Variants in PLCB4 observed in about 807,000 individuals in gnomAD.
PLCB4 encodes 1-phosphatidylinositol 4,5-bisphosphate phosphodiesterase beta-4.
Under a neutral mutation model 178.8 loss-of-function variants are expected in PLCB4, and 77 were observed. The observed-to-expected ratio is 0.43, with a 90% confidence interval of 0.36 to 0.52. The LOEUF is 0.52. PLCB4 is among the 20% of genes least tolerant of loss of function. The pLI is 0.00. For synonymous variants in PLCB4, 496 were observed against 490.8 expected, an observed-to-expected ratio of 1.01 and a Z score of -0.14; for missense variants, 1,024 against 1,453.4, an observed-to-expected ratio of 0.70 and a Z score of 4.80.
intron 7 of PLCB4, among the ~76,000 whole-genome samples, chr20:9,356,466 AT>A (rs1395903258): frequency 5.9e-5 from 9 of 152,306 alleles, no homozygotes; most frequent in Non-Finnish European, 1.0e-4. Flanking sequence ...CTAGCTTAAG[AT>A]GAAGGTGTAG....
intron 28 of PLCB4, among the ~76,000 whole-genome samples, chr20:9,429,015 G>A (rs1480057512): frequency 6.6e-6 from 1 of 152,150 alleles, no homozygotes; most frequent in African/African-American, 2.4e-5. Context: ...GGGCCTACAT[G>A]GAGAGTCTTT....
chr20:9,421,570 T>G, intron 27 of PLCB4, 109 bp downstream of exon 27: 1 of 828,530 alleles, frequency 1.2e-6, no homozygotes, highest in Non-Finnish European at 1.9e-6. Context: ...AACATCTTCT[T>G]TTTCTCTTCT....
chr20:9,111,733 T>A (rs976772628), intron 2 of PLCB4, among the ~76,000 whole-genome samples: 1 of 152,218 alleles, frequency 6.6e-6, no homozygotes, highest in Non-Finnish European at 1.5e-5. Context: ...GATGGGCAGT[T>A]CATTTAAGAA....
Position 9,472,851 on chromosome 20 carries a change from A to C in PLCB4, c.3408+4A>C. Reference sequence around the variant, plus strand: ...GTTTCTGGAAGAAAGAAAGAGAGTAAGTATTTTATTATATTTTTGGCATTC... The same window carrying C: ...GTTTCTGGAAGAAAGAAAGAGAGTACGTATTTTATTATATTTTTGGCATTC... On this transcript the variant is annotated splice_donor_region_variant and intron_variant, in intron 37 of 39. Coordinates refer to ENST00000378473, the MANE Select transcript of PLCB4 (RefSeq NM_001377142.1). 6.5e-7 allele frequency: 1 copy of C among 1,543,898 alleles called. No individual in the cohort carries two copies. The highest frequency in any genetic ancestry group is 8.9e-7 in the Non-Finnish European group (1 of 1,122,592).
chr20:9,437,359 A>G (rs1382043791), intron 30 of PLCB4, among the ~76,000 whole-genome samples: 2 of 152,238 alleles, frequency 1.3e-5, no homozygotes, highest in African/African-American at 2.4e-5. Flanking sequence ...ATGAACCAAC[A>G]TAGTTATTCC....
intron 11 of PLCB4, among the ~76,000 whole-genome samples, 188 bp downstream of exon 11, chr20:9,372,591 G>C (rs182252766): frequency 6.6e-6 from 1 of 151,970 alleles, no homozygotes; most frequent in Non-Finnish European, 1.5e-5. Flanking sequence ...AAACTTTTAC[G>C]TATATTAATT....
At chr20:9,390,433 G>T (rs2038045508) in intron 16 of PLCB4, 98 bp from the exon 17 acceptor site, 13 of 594,700 alleles carry the variant, frequency 2.2e-5, no homozygotes, top group Non-Finnish European at 3.4e-5. Flanking sequence ...AATGCATTTT[G>T]CCAAGTGAGA....
intron 1 of PLCB4, among the ~76,000 whole-genome samples, chr20:9,089,765 G>T (rs1363243608): frequency 6.6e-6 from 1 of 152,156 alleles, no homozygotes; most frequent in Non-Finnish European, 1.5e-5. Flanking sequence ...AAGATGTGGA[G>T]AAAGAAATAA....
chr20:9,161,143 C>A (rs112649299), intron 2 of PLCB4, among the ~76,000 whole-genome samples: 175 of 152,224 alleles, frequency 1.1e-3, no homozygotes, highest in African/African-American at 3.9e-3. Context: ...TTTTACAAAT[C>A]AGGAAACAAG....
rs1458369911 is a variant in PLCB4 at position 9,423,859 on chromosome 20, A to G, written c.2431A>G (p.Ile811Val). Reference sequence around the variant, plus strand: ...TGGCCTCCAAGCCGGATATCGACACATTTCCCTTCGAAATGAGGGAAATAA... The same window carrying G: ...TGGCCTCCAAGCCGGATATCGACACGTTTCCCTTCGAAATGAGGGAAATAA... The part of the protein sequence containing the change: ...LDGLQAGYRH[I>V]SLRNEGNKPL... Residue 811 changes from isoleucine to valine, a missense_variant, in exon 28 of 40, where the codon ATT becomes GTT. Transcript: ENST00000378473. 1 of 1,613,924 alleles carries G rather than the reference A, an allele frequency of 6.2e-7. No individual in the cohort carries two copies. The highest frequency in any genetic ancestry group is 8.5e-7 in the Non-Finnish European group (1 of 1,179,824).
At position 9,361,646 on chromosome 20, in the gene PLCB4, T is replaced by G. The variant is rs1602105507; in HGVS notation, c.370-1250T>G. On this transcript the variant is annotated intron_variant, in intron 7 of 39. Coordinates refer to ENST00000378473, the MANE Select transcript of PLCB4 (RefSeq NM_001377142.1). ...GGTGAAGGTGATAAATGTTATGTTA[T>G]GTCCATTTTTAACACAATTAAAATT... Among the ~76,000 whole-genome samples the G allele has an allele frequency of 2.0e-5, 3 of 152,128 alleles. No homozygotes were observed. The South Asian group carries it at 6.2e-4, about 32-fold the overall frequency.
At chr20:9,360,556 C>T (rs1370854889) in intron 7 of PLCB4, among the ~76,000 whole-genome samples, 2 of 151,662 alleles carry the variant, frequency 1.3e-5, no homozygotes, top group Non-Finnish European at 2.9e-5. Context: ...TGAGAAAATG[C>T]ATCCCAGTTA....
At chr20:9,245,389 A>G (rs941546469) in intron 3 of PLCB4, among the ~76,000 whole-genome samples, 8 of 152,194 alleles carry the variant, frequency 5.3e-5, no homozygotes, top group Non-Finnish European at 1.2e-4. Context: ...GGAATCTGTG[A>G]ATGTTACCTT....
intron 4 of PLCB4, among the ~76,000 whole-genome samples, chr20:9,313,571 T>A (rs2094861865): frequency 6.6e-6 from 1 of 152,246 alleles, no homozygotes; most frequent in African/African-American, 2.4e-5. Flanking sequence ...ATTGCTGTGT[T>A]TTTATTCCAA....
chr20:9,397,363 T>C (rs1172224307), intron 19 of PLCB4, among the ~76,000 whole-genome samples: 1 of 152,216 alleles, frequency 6.6e-6, no homozygotes, highest in African/African-American at 2.4e-5. Flanking sequence ...CTTCCTCCAC[T>C]GAAGTCTTGA....
At chr20:9,216,585 T>C (rs1283473498) in intron 2 of PLCB4, among the ~76,000 whole-genome samples, 2 of 152,132 alleles carry the variant, frequency 1.3e-5, no homozygotes, top group Non-Finnish European at 2.9e-5. Context: ...CTGCAACCTC[T>C]GCCTCCTGGA....
chr20:9,438,925 G>A (rs115325748), intron 30 of PLCB4, among the ~76,000 whole-genome samples: 7 of 152,146 alleles, frequency 4.6e-5, no homozygotes, highest in Non-Finnish European at 8.8e-5. Context: ...GCAAAAGAGA[G>A]TACATGGTAA....
chr20:9,133,697 G>T (rs532577662), intron 2 of PLCB4, among the ~76,000 whole-genome samples: 1 of 152,168 alleles, frequency 6.6e-6, no homozygotes, highest in South Asian at 2.1e-4. Flanking sequence ...CCGGAAAAGG[G>T]GCTGAAGCTG....
At chr20:9,363,275 G>A (rs947052038) in intron 8 of PLCB4, among the ~76,000 whole-genome samples, 10 of 152,170 alleles carry the variant, frequency 6.6e-5, no homozygotes, top group Non-Finnish European at 1.5e-4. Context: ...CCCAGATTGA[G>A]TTTTCTGATA....
Sources: gnomAD v4.1 joint callset for allele counts (sites outside exome capture counted in the v4.1 genomes callset) on GRCh38, gnomAD v4.1.1 for gene constraint, MANE v1.5 for transcripts, NCBI Gene and HGNC (gene_info 2026-07-23, HGNC 2026-07-21) for gene names.